Variants in IBTK observed in about 807,000 individuals in gnomAD.
IBTK encodes inhibitor of Bruton tyrosine kinase.
A neutral mutation model predicts 154.9 loss-of-function variants in IBTK; 83 were observed. That is an observed-to-expected ratio of 0.54 (90% CI 0.45 to 0.64). The LOEUF is 0.64. Among genes scored for constraint, IBTK ranks in the 30% least tolerant of loss-of-function variants. The pLI, the probability that IBTK is intolerant of heterozygous loss-of-function variation, is 0.00. For missense variants in IBTK, 1,332 were observed against 1,584.6 expected, an observed-to-expected ratio of 0.84 and a Z score of 2.71; for synonymous variants, 515 against 536.1, an observed-to-expected ratio of 0.96 and a Z score of 0.54.
chr6:82,183,723 G>T (rs1768404189), intron 25 of IBTK, among the ~76,000 whole-genome samples: 1 of 152,134 alleles, frequency 6.6e-6, no homozygotes, highest in Non-Finnish European at 1.5e-5. Flanking sequence ...TGGTAATCAG[G>T]ATAGTATAAG....
intron 11 of IBTK, among the ~76,000 whole-genome samples, 154 bp downstream of exon 11, chr6:82,215,922 T>C (rs955516020): frequency 9.2e-5 from 14 of 152,202 alleles, no homozygotes; most frequent in Non-Finnish European, 1.6e-4. Flanking sequence ...CTCTGGATTA[T>C]CTGTAGACAT....
At position 82,223,522 on chromosome 6, in the gene IBTK, T is replaced by G; in HGVS notation, c.1042A>C (p.Ser348Arg). 6.2e-7 allele frequency: 1 copy of G among 1,614,120 alleles called. No homozygotes were observed. The highest frequency in any genetic ancestry group is 8.5e-7 in the Non-Finnish European group (1 of 1,179,960). Reference protein sequence around the residue: ...KDIALSLVAASDGATVCVTTR... With the variant: ...KDIALSLVAARDGATVCVTTR... The stretch of plus-strand genomic sequence containing the variant: ...GTAACACAGACTGTAGCTCCATCAC[T>G]TGCAGCAACCAAAGACAGAGCAATG... Residue 348 changes from serine to arginine, a missense_variant, in exon 8 of 29, where the codon AGT (serine) becomes CGT (arginine). Ser to Arg is a moderately radical substitution (Grantham distance 110). Around this residue, in one of 3 missense-constraint regions of IBTK, gnomAD observed 1,134 missense variants for 1,274.7 expected, o/e 0.89. Coordinates refer to ENST00000306270, the MANE Select transcript of IBTK (RefSeq NM_015525.4).
chr6:82,190,994 G>T, intron 25 of IBTK, 79 bp downstream of exon 25: 4 of 993,484 alleles, frequency 4.0e-6, no homozygotes, highest in Non-Finnish European at 4.1e-6. Flanking sequence ...CTGGAAGTGG[G>T]AAGGAACTCC....
At chr6:82,193,734 T>A (rs1206336962) in intron 23 of IBTK, among the ~76,000 whole-genome samples, 1 of 152,102 alleles carries the variant, frequency 6.6e-6, no homozygotes, top group Non-Finnish European at 1.5e-5. Flanking sequence ...CAGGCTGGAG[T>A]GCAGTGGCGC....
intron 1 of IBTK, among the ~76,000 whole-genome samples, chr6:82,242,979 T>C (rs1771009586): frequency 6.7e-6 from 1 of 150,010 alleles, no homozygotes; most frequent in African/African-American, 2.5e-5. Flanking sequence ...CGGTGGCTCA[T>C]GCCTGTAAAC....
chr6:82,189,095 AT>A, intron 25 of IBTK: 1 of 409,588 alleles, frequency 2.4e-6, no homozygotes, highest in Non-Finnish European at 4.7e-6. Context: ...GACTAATGTG[AT>A]TTGTAGAGAA....
At chr6:82,233,712 T>G (rs1770605090) in intron 3 of IBTK, among the ~76,000 whole-genome samples, 1 of 82,428 alleles carries the variant, frequency 1.2e-5, no homozygotes. Context: ...ATTTGTAAAG[T>G]TTTTTTTTTT....
intron 2 of IBTK, among the ~76,000 whole-genome samples, chr6:82,238,720 C>T (rs963152959): frequency 6.6e-6 from 1 of 151,938 alleles, no homozygotes; most frequent in African/African-American, 2.4e-5. Flanking sequence ...AGATTACAGG[C>T]GTGAGCCACC....
At chr6:82,243,989 T>A (rs1771051223) in intron 1 of IBTK, among the ~76,000 whole-genome samples, 1 of 152,162 alleles carries the variant, frequency 6.6e-6, no homozygotes, top group African/African-American at 2.4e-5. Flanking sequence ...TGGAAGCGAT[T>A]AAGAGCTAGG....
intron 1 of IBTK, among the ~76,000 whole-genome samples, chr6:82,246,494 G>T (rs1476170572): frequency 1.4e-5 from 2 of 141,588 alleles, no homozygotes; most frequent in East Asian, 4.1e-4. Context: ...GCCCAGGATG[G>T]AGTGCAGCGG....
chr6:82,175,048 C>T (rs1024699689), intron 26 of IBTK: 1 of 455,720 alleles, frequency 2.2e-6, no homozygotes, highest in African/African-American at 2.0e-5. Flanking sequence ...TTATTGTTTA[C>T]ATGTCAATCT....
chr6:82,204,382 A>G (rs888116713), intron 17 of IBTK, among the ~76,000 whole-genome samples: 2 of 152,216 alleles, frequency 1.3e-5, no homozygotes, highest in African/African-American at 4.8e-5. Context: ...GATAGCCATG[A>G]AATTAACTAA....
chr6:82,172,294 C>T, intron 28 of IBTK, 86 bp downstream of exon 28: 2 of 1,389,060 alleles, frequency 1.4e-6, no homozygotes, highest in Non-Finnish European at 2.0e-6. Flanking sequence ...AGCACCTGTC[C>T]AAAACAAACA....
intron 25 of IBTK, among the ~76,000 whole-genome samples, chr6:82,183,079 T>G (rs935071753): frequency 1.3e-5 from 2 of 152,210 alleles, no homozygotes; most frequent in African/African-American, 4.8e-5. Context: ...AATAAATAAC[T>G]AATACAAGAT....
chr6:82,202,697 G>T, intron 17 of IBTK, 52 bp from the exon 18 acceptor site: 3 of 911,450 alleles, frequency 3.3e-6, no homozygotes, highest in Non-Finnish European at 5.1e-6. Flanking sequence ...CATTACCACA[G>T]CAAAATAAAA....
chr6:82,182,186 T>C (rs1768347797), intron 25 of IBTK, among the ~76,000 whole-genome samples, 158 bp from the exon 26 acceptor site: 1 of 152,092 alleles, frequency 6.6e-6, no homozygotes, highest in East Asian at 1.9e-4. Flanking sequence ...TTGTGAAATA[T>C]CCAAAACTAT....
At chr6:82,198,981 T>G (rs553424851) in intron 21 of IBTK, among the ~76,000 whole-genome samples, 1 of 152,092 alleles carries the variant, frequency 6.6e-6, no homozygotes, top group Non-Finnish European at 1.5e-5. Context: ...TGAACCTTGA[T>G]AGAATACTAG....
intron 4 of IBTK, among the ~76,000 whole-genome samples, chr6:82,228,481 C>T (rs1399549879): frequency 6.6e-6 from 1 of 152,120 alleles, no homozygotes. Context: ...CAGTGAAATT[C>T]ATTTTATGAA....
intron 4 of IBTK, 79 bp from the exon 5 acceptor site, chr6:82,227,381 G>A (rs1031703240): frequency 1.7e-5 from 14 of 813,414 alleles, no homozygotes; most frequent in South Asian, 4.6e-5. Flanking sequence ...ATAGAATATT[G>A]TTAATTGTTT....
Sources: allele counts gnomAD v4.1 joint callset (sites outside exome capture counted in the v4.1 genomes callset), GRCh38; gene constraint gnomAD v4.1.1; regional missense constraint gnomAD v4.1.1; transcripts MANE v1.5; gene names NCBI Gene and HGNC (gene_info 2026-07-23, HGNC 2026-07-21).